ACLY: variants seen among roughly 807,000 people sequenced by gnomAD.
The protein encoded by ACLY is ATP-citrate synthase.
In ACLY, 41 loss-of-function variants were observed where a neutral mutation model predicts 133.0. The ratio of observed to expected loss-of-function variants is 0.31; its 90% confidence interval spans 0.24 to 0.40. ACLY has a LOEUF of 0.40. ACLY is among the 10% of genes least tolerant of loss of function. The pLI, the probability that ACLY is intolerant of heterozygous loss-of-function variation, is 1.00. For missense variants in ACLY, 1,046 were observed against 1,453.8 expected (o/e 0.72, Z 4.56); for synonymous variants, 495 against 549.3 (o/e 0.90, Z 1.38).
chr17:41,868,620 GAAAA>G lies in ACLY; in HGVS notation c.3211+85_3211+88del, dbSNP rs1237619658. ...AAAATTAAAAAAAAAAAAAAAGAAA[GAAAA>G]AGAAACTCAACCCCATGAGTAAGTG... On this transcript the variant is annotated intron_variant, in intron 28 of 28. Transcript: ENST00000352035. The G allele has an allele frequency of 4.5e-6, 3 of 671,290 alleles. No individual in the cohort carries two copies. The East Asian group carries it at 9.6e-5, about 21-fold the overall frequency. The allele number at this position is 671,290 out of a possible 1,614,324, so 41.6% of individuals were successfully genotyped here.
chr17:41,874,742 T>C (rs1555625731), intron 22 of ACLY, among the ~76,000 whole-genome samples: 1 of 151,546 alleles, frequency 6.6e-6, no homozygotes, highest in Non-Finnish European at 1.5e-5. Flanking sequence ...CCCAGCTAAT[T>C]TTTTGTAATT....
chr17:41,911,800 G>A (rs573625333), intron 3 of ACLY, among the ~76,000 whole-genome samples: 5 of 151,898 alleles, frequency 3.3e-5, no homozygotes, highest in Admixed American at 3.3e-4. Flanking sequence ...TTGAGTGACA[G>A]TGTGAGACCC....
chr17:41,922,543 A>G (rs2050195627), upstream of ACLY, among the ~76,000 whole-genome samples: 1 of 152,096 alleles, frequency 6.6e-6, no homozygotes, highest in Admixed American at 6.6e-5. Context: ...TTGAAGGTCA[A>G]TTTGGTAATA....
intron 3 of ACLY, among the ~76,000 whole-genome samples, chr17:41,911,251 A>C (rs1264058728): frequency 6.6e-6 from 1 of 152,188 alleles, no homozygotes; most frequent in African/African-American, 2.4e-5. Context: ...CGAGGCAGCC[A>C]AGGAAGAGAA....
At chr17:41,881,095 G>T (rs1555627243) in intron 20 of ACLY, among the ~76,000 whole-genome samples, 1 of 151,850 alleles carries the variant, frequency 6.6e-6, no homozygotes, top group African/African-American at 2.4e-5. Flanking sequence ...CGAGTACAGA[G>T]TTGGGGGGAG....
chr17:41,872,253 A>C, intron 23 of ACLY, 71 bp from the exon 24 acceptor site: 1 of 1,481,440 alleles, frequency 6.8e-7, no homozygotes, highest in South Asian at 1.2e-5. Flanking sequence ...CATCTCCCTA[A>C]ACAAGTCATT....
At chr17:41,897,606 G>C (rs2049407771) in intron 13 of ACLY, 143 bp downstream of exon 13, 2 of 706,630 alleles carry the variant, frequency 2.8e-6, no homozygotes, top group South Asian at 3.8e-5. Context: ...CCATCCTCGT[G>C]TCCCAGGTGC....
At chr17:41,869,247 A>G in intron 26 of ACLY, 122 bp from the exon 27 acceptor site, 4 of 924,510 alleles carry the variant, frequency 4.3e-6, no homozygotes, top group Non-Finnish European at 6.8e-6. Context: ...TACCAGCCCC[A>G]CTGGTCGACA....
chr17:41,874,631 T>C (rs1555625711), intron 22 of ACLY, among the ~76,000 whole-genome samples: 2 of 147,274 alleles, frequency 1.4e-5, no homozygotes, highest in Admixed American at 1.4e-4. Flanking sequence ...TGGAGTGCAG[T>C]GGTACGATCT....
At chr17:41,875,445 C>G (rs1273778019) in intron 22 of ACLY, among the ~76,000 whole-genome samples, 4 of 151,562 alleles carry the variant, frequency 2.6e-5, no homozygotes, top group Admixed American at 6.6e-5. Context: ...TCTCCCTCTC[C>G]CCACGGTCTC....
rs782620288 is a variant in ACLY at position 41,884,224 on chromosome 17, G to A, written c.2123C>T (p.Pro708Leu). 4.3e-6 allele frequency: 7 copies of A among 1,611,814 alleles called. No individual in the cohort carries two copies. In the East Asian group the frequency reaches 1.3e-4, roughly 31 times the overall value. ...MDHVLRYQDT[P>L]GVKMIVVLGE... Reference sequence around the variant, plus strand: ...AAGAACCACAATCATTTTGACTCCTGGAGTGTCCTGATAGCGTAACACATG... The same window carrying A: ...AAGAACCACAATCATTTTGACTCCTAGAGTGTCCTGATAGCGTAACACATG... Residue 708 changes from proline to leucine, a missense_variant, in exon 19 of 29, where the codon CCA (proline) becomes CTA (leucine). Physicochemically the swap from Pro to Leu is moderately conservative, Grantham distance 98 (BLOSUM62 -3). Around this residue, in one of 4 missense-constraint regions of ACLY, gnomAD observed 575 missense variants for 804.2 expected, o/e 0.71. Coordinates refer to ENST00000352035, the MANE Select transcript of ACLY (RefSeq NM_001096.3).
At chr17:41,880,192 C>T (rs1215723817) in intron 20 of ACLY, among the ~76,000 whole-genome samples, 1 of 152,218 alleles carries the variant, frequency 6.6e-6, no homozygotes, top group African/African-American at 2.4e-5. Flanking sequence ...CATTCAATCT[C>T]AGTAGCTATG....
intron 11 of ACLY, among the ~76,000 whole-genome samples, chr17:41,899,903 A>G (rs1013227008): frequency 1.3e-5 from 2 of 151,552 alleles, no homozygotes; most frequent in Non-Finnish European, 2.9e-5. Flanking sequence ...GGTGTGTGCT[A>G]ATTTTTTGTA....
At chr17:41,906,496 C>A in intron 8 of ACLY, 32 bp downstream of exon 8, 1 of 1,585,664 alleles carries the variant, frequency 6.3e-7, no homozygotes, top group Non-Finnish European at 8.7e-7. Flanking sequence ...GTAGACTGGG[C>A]TGGCATCCCT....
At chr17:41,929,456 T>C (rs550268564) in intron 1 of ACLY, among the ~76,000 whole-genome samples, 2 of 152,146 alleles carry the variant, frequency 1.3e-5, no homozygotes, top group Admixed American at 6.5e-5. Context: ...ATATTACCCC[T>C]CTATGAACAT....
At position 41,887,584 on chromosome 17, in the gene ACLY, G is replaced by A. The variant is rs377037545; in HGVS notation, c.1875+15C>T. 209 of 1,610,538 alleles carry A rather than the reference G, an allele frequency of 1.3e-4. No individual in the cohort carries two copies. The highest frequency in any genetic ancestry group is 1.6e-4 in the Non-Finnish European group (194 of 1,177,030). On this transcript the variant is annotated intron_variant, in intron 17 of 28. Coordinates refer to ENST00000352035, the MANE Select transcript of ACLY (RefSeq NM_001096.3). ...TAGCATCGAACGTAAAAGGCTTTCC[G>A]GAGGGGAAGCTCACAGTGGCAGGTC...
At chr17:41,895,982 A>G (rs1025904160) in intron 14 of ACLY, among the ~76,000 whole-genome samples, 13 of 152,180 alleles carry the variant, frequency 8.5e-5, no homozygotes, top group Non-Finnish European at 1.5e-5. Flanking sequence ...CATACACCAG[A>G]CAAAGCTCAT....
At position 41,912,426 on chromosome 17, in the gene ACLY, T is replaced by A; in HGVS notation, c.276A>T (p.Glu92Asp). The A allele has an allele frequency of 6.2e-7, 1 of 1,614,150 alleles. No individual in the cohort carries two copies. The highest frequency in any genetic ancestry group is 2.2e-5 in the East Asian group (1 of 44,886). The change falls in exon 3 of 29, where the codon GAA becomes GAT. Residue 92 changes from glutamate (E) to aspartate (D), a missense_variant. Around this residue, in one of 4 missense-constraint regions of ACLY, gnomAD observed 227 missense variants for 245.6 expected, o/e 0.92. Coordinates refer to ENST00000352035, the MANE Select transcript of ACLY (RefSeq NM_001096.3). ...KSWLKPRLGQ[E>D]ATVGKATGFL... The stretch of plus-strand genomic sequence containing the variant: ...TGACCCCATGCCCACTCACTGTGGC[T>A]TCCTGTCCCAGCCGTGGCTTCAGCC...
At chr17:41,900,025 C>T (rs998918840) in intron 11 of ACLY, among the ~76,000 whole-genome samples, 7 of 143,604 alleles carry the variant, frequency 4.9e-5, no homozygotes, top group African/African-American at 7.8e-5. Context: ...GCTGTGATCA[C>T]ACCACCGCAC....
Sources: gnomAD v4.1 joint callset for allele counts (sites outside exome capture counted in the v4.1 genomes callset) on GRCh38, gnomAD v4.1.1 for gene constraint, gnomAD v4.1.1 regional missense constraint, MANE v1.5 for transcripts, NCBI Gene and HGNC (gene_info 2026-07-23, HGNC 2026-07-21) for gene names.